The following IMMP2L variants were observed in gnomAD, a reference collection of about 807,000 sequenced individuals.
The protein encoded by IMMP2L is inner mitochondrial membrane peptidase subunit 2, also known as mitochondrial inner membrane protease subunit 2.
A neutral mutation model predicts 19.3 loss-of-function variants in IMMP2L; 18 were observed. That is an observed-to-expected ratio of 0.93 (90% confidence interval 0.64 to 1.38). IMMP2L has a LOEUF of 1.38. IMMP2L is among the 40% of genes most tolerant of loss of function. IMMP2L has a pLI of 0.00. For synonymous variants in IMMP2L, 76 were observed against 73.0 expected (o/e 1.04, Z -0.21); for missense variants, 233 against 218.2 (o/e 1.07, Z -0.43).
At chr7:110,693,509 A>G (rs889133656) in intron 5 of IMMP2L, among the ~76,000 whole-genome samples, 1 of 152,156 alleles carries the variant, frequency 6.6e-6, no homozygotes, top group Non-Finnish European at 1.5e-5. Flanking sequence ...CTATGAAACT[A>G]TGGGAACAGG....
At chr7:110,909,924 GAC>G (rs761708967) in intron 4 of IMMP2L, among the ~76,000 whole-genome samples, 4 of 148,380 alleles carry the variant, frequency 2.7e-5, no homozygotes, top group African/African-American at 1.0e-4. Context: ...GAGAGAGATA[GAC>G]AGAGAGAGAG....
intron 2 of IMMP2L, among the ~76,000 whole-genome samples, chr7:111,513,146 A>T (rs1845599756): frequency 6.6e-6 from 1 of 152,176 alleles, no homozygotes; most frequent in South Asian, 2.1e-4. Flanking sequence ...GTTTCTGAAG[A>T]GAGAAGGAAA....
At chr7:111,477,911 A>T (rs566044146) in intron 3 of IMMP2L, among the ~76,000 whole-genome samples, 2 of 152,190 alleles carry the variant, frequency 1.3e-5, no homozygotes, top group African/African-American at 4.8e-5. Context: ...AAAAAAAAAT[A>T]GACTTTTATC....
At chr7:110,860,057 A>C (rs1807233503) in intron 5 of IMMP2L, among the ~76,000 whole-genome samples, 1 of 152,070 alleles carries the variant, frequency 6.6e-6, no homozygotes, top group Non-Finnish European at 1.5e-5. Flanking sequence ...CTGTTGTTAT[A>C]ATCAAAGCTT....
chr7:111,310,797 A>C (rs2130271800), intron 3 of IMMP2L, among the ~76,000 whole-genome samples: 1 of 152,266 alleles, frequency 6.6e-6, no homozygotes, highest in East Asian at 1.9e-4. Flanking sequence ...TTGCAAGATC[A>C]ATAGCCGTAT....
intron 1 of IMMP2L, among the ~76,000 whole-genome samples, chr7:111,556,997 C>T (rs1455614527): frequency 6.6e-6 from 1 of 152,056 alleles, no homozygotes; most frequent in Non-Finnish European, 1.5e-5. Context: ...TTCTCTTTTC[C>T]CACTCACAAC....
intron 3 of IMMP2L, among the ~76,000 whole-genome samples, chr7:110,977,411 C>A (rs1196348095): frequency 6.6e-6 from 1 of 151,934 alleles, no homozygotes; most frequent in African/African-American, 2.4e-5. Flanking sequence ...AGCGGCCGAG[C>A]ATCTGCTTTA....
chr7:111,205,045 G>A (rs1810550151), intron 3 of IMMP2L, among the ~76,000 whole-genome samples: 1 of 152,162 alleles, frequency 6.6e-6, no homozygotes, highest in African/African-American at 2.4e-5. Context: ...AGACCAAGGT[G>A]CCAGCATTCA....
intron 3 of IMMP2L, among the ~76,000 whole-genome samples, chr7:111,357,425 C>G (rs1828827988): frequency 6.6e-6 from 1 of 152,068 alleles, no homozygotes; most frequent in African/African-American, 2.4e-5. Context: ...CCTCAAATGA[C>G]CATGAAATTA....
chr7:111,466,704 G>A (rs2132060627), intron 3 of IMMP2L, among the ~76,000 whole-genome samples: 1 of 152,182 alleles, frequency 6.6e-6, no homozygotes, highest in Non-Finnish European at 1.5e-5. Context: ...CCATATCTGT[G>A]GGTTCCACAT....
rs573685173 is a variant in IMMP2L at position 111,439,402 on chromosome 7, C to A, written c.239+47836G>T. On this transcript the variant is annotated intron_variant, in intron 3 of 5. Coordinates refer to ENST00000405709, the MANE Select transcript of IMMP2L (RefSeq NM_032549.4). ...ACATCAAGGAAAGACCTCAGAGGTA[C>A]ACACACCAGTGGAGATACCATAGGT... is the stretch of plus-strand genomic sequence containing the variant. Among the ~76,000 whole-genome samples the A allele has an allele frequency of 4.8e-4, 73 of 151,930 alleles. 2 individuals carry two copies. Among genetic ancestry groups the A allele is most frequent in the Middle Eastern group, 3.4e-3 (1 of 294 alleles).
chr7:110,740,436 A>G (rs1156649250), intron 5 of IMMP2L, among the ~76,000 whole-genome samples: 1 of 152,184 alleles, frequency 6.6e-6, no homozygotes, highest in Non-Finnish European at 1.5e-5. Context: ...GCTACTGTGA[A>G]CACGTTTATG....
intron 4 of IMMP2L, among the ~76,000 whole-genome samples, chr7:110,898,257 T>C (rs1036959216): frequency 1.3e-5 from 2 of 152,040 alleles, no homozygotes; most frequent in African/African-American, 4.8e-5. Context: ...CACTAACTTA[T>C]AAAAGCTAGG....
chr7:110,714,893 C>T (rs1032797698), intron 5 of IMMP2L, among the ~76,000 whole-genome samples: 3 of 152,102 alleles, frequency 2.0e-5, no homozygotes, highest in Non-Finnish European at 4.4e-5. Flanking sequence ...CTGCATCCAG[C>T]CTCTGGGGCT....
chr7:111,096,838 A>G (rs988380783), intron 3 of IMMP2L, among the ~76,000 whole-genome samples: 6 of 151,960 alleles, frequency 3.9e-5, no homozygotes, highest in African/African-American at 1.4e-4. Context: ...TAAAAATACT[A>G]GTTAATTTGA....
intron 3 of IMMP2L, among the ~76,000 whole-genome samples, chr7:111,003,174 T>C (rs1177999240): frequency 6.6e-6 from 1 of 152,200 alleles, no homozygotes; most frequent in Non-Finnish European, 1.5e-5. Context: ...GGTTGTGTTC[T>C]GGCTCTAAAA....
At chr7:111,236,396 G>T (rs1455416311) in intron 3 of IMMP2L, among the ~76,000 whole-genome samples, 1 of 151,922 alleles carries the variant, frequency 6.6e-6, no homozygotes, top group Non-Finnish European at 1.5e-5. Flanking sequence ...TTTAATCTAG[G>T]GGTGAATATG....
intron 3 of IMMP2L, among the ~76,000 whole-genome samples, chr7:111,162,009 G>T (rs987803233): frequency 6.6e-6 from 1 of 152,060 alleles, no homozygotes; most frequent in Non-Finnish European, 1.5e-5. Flanking sequence ...GTTACCACTT[G>T]TGTTTAATAA....
intron 4 of IMMP2L, among the ~76,000 whole-genome samples, chr7:110,948,748 C>A (rs1328214182): frequency 6.6e-6 from 1 of 152,102 alleles, no homozygotes. Context: ...ACTAAGAGAA[C>A]TGGTAAAGGT....
Sources: gnomAD v4.1 joint callset for allele counts (sites outside exome capture counted in the v4.1 genomes callset) on GRCh38, gnomAD v4.1.1 for gene constraint, MANE v1.5 for transcripts, NCBI Gene and HGNC (gene_info 2026-07-23, HGNC 2026-07-21) for gene names.